The following CWC22 variants were observed in gnomAD, a reference collection of about 807,000 sequenced individuals.
The protein encoded by CWC22 is pre-mRNA-splicing factor CWC22 homolog.
CWC22 carries 53 observed loss-of-function variants against 117.2 expected under a neutral mutation model. The ratio of observed to expected loss-of-function variants is 0.45; its 90% CI spans 0.36 to 0.57. CWC22 has a LOEUF of 0.57. Among genes scored for constraint, CWC22 ranks in the 20% least tolerant of loss-of-function variants. The pLI is 0.00. For synonymous variants in CWC22, 360 were observed against 355.6 expected, an observed-to-expected ratio of 1.01 and a Z score of -0.14; for missense variants, 980 against 1,068.8, an observed-to-expected ratio of 0.92 and a Z score of 1.16.
At chr2:179,979,211 T>A (rs1467029886) in intron 5 of CWC22, among the ~76,000 whole-genome samples, 1 of 152,198 alleles carries the variant, frequency 6.6e-6, no homozygotes, top group African/African-American at 2.4e-5. Flanking sequence ...CTAATCATAC[T>A]AAAATTCAGT....
At position 179,950,915 on chromosome 2, in the gene CWC22, G is replaced by C. The variant is rs935165399; in HGVS notation, c.1829C>G (p.Pro610Arg). 7 of 1,565,674 alleles carry C rather than the reference G, an allele frequency of 4.5e-6. No individual in the cohort carries two copies. Among genetic ancestry groups the C allele is most frequent in the Non-Finnish European group, 6.1e-6 (7 of 1,153,262 alleles). Residue 610 changes from proline (P) to arginine (R), a missense_variant, in exon 18 of 20, where the codon CCA becomes CGA. This residue lies in a region of CWC22 where 115 missense variants were observed against 169.8 expected (regional missense o/e 0.68). Coordinates refer to ENST00000410053, the MANE Select transcript of CWC22 (RefSeq NM_020943.3). ...NARLKDETLQ[P>R]FFEGLLPRDN... Reference sequence around the variant, plus strand: ...TCGGGGTAATAATCCTTCAAAGAATGGCTGCAGAGTTCTAAAAAGGAAAAA... The same window carrying C: ...TCGGGGTAATAATCCTTCAAAGAATCGCTGCAGAGTTCTAAAAAGGAAAAA...
Position 179,988,648 on chromosome 2 carries a change from T to A in CWC22, c.28-4A>T. The A allele has an allele frequency of 6.8e-7, 1 of 1,476,674 alleles. No individual in the cohort carries two copies. Among genetic ancestry groups the A allele is most frequent in the Non-Finnish European group, 9.1e-7 (1 of 1,094,982 alleles). 91.5% of individuals were successfully genotyped at this position (1,476,674 alleles called of 1,614,324 possible). ...TTCTGTCATGACCAGAAGAAGGCTT[T>A]AAAAGAGGAAAAGGGGAAAACATTT... On this transcript the variant is annotated splice_region_variant and splice_polypyrimidine_tract_variant and intron_variant, in intron 2 of 19. Coordinates refer to ENST00000410053, the MANE Select transcript of CWC22 (RefSeq NM_020943.3).
chr2:179,998,547 A>G (rs1459625649), intron 1 of CWC22, among the ~76,000 whole-genome samples: 3 of 152,152 alleles, frequency 2.0e-5, no homozygotes, highest in East Asian at 1.9e-4. Context: ...TTTTGTCCCA[A>G]TGAAAATGCC....
rs533031964 is a variant in CWC22, at chr2:179,993,162, T to TA, written c.27+152dup. ...TGGTGCAAACAGTAATTGTGGTTTT[T>TA]AAAATTGCAAAAACTGCAATTACTT... On this transcript the variant is annotated intron_variant, in intron 2 of 19. Transcript: ENST00000410053. 5.1e-4 allele frequency among the ~76,000 whole-genome samples: 78 copies of TA among 152,384 alleles called. 1 individual carries two copies. The South Asian group carries it at 6.4e-3, about 13-fold the overall frequency.
intron 4 of CWC22, among the ~76,000 whole-genome samples, chr2:179,983,229 G>A (rs1293058989): frequency 2.0e-5 from 3 of 151,980 alleles, no homozygotes; most frequent in Non-Finnish European, 1.5e-5. Context: ...TTCATTAGCT[G>A]TTTTTCGTGA....
At chr2:179,954,161 C>T (rs1424216765) in intron 16 of CWC22, 44 bp downstream of exon 16, 29 of 1,465,276 alleles carry the variant, frequency 2.0e-5, no homozygotes, top group Non-Finnish European at 2.7e-5. Context: ...TATTTGAGAA[C>T]AGGGAATTAG....
intron 2 of CWC22, among the ~76,000 whole-genome samples, chr2:179,989,638 T>C (rs1687509506): frequency 6.6e-6 from 1 of 152,144 alleles, no homozygotes. Context: ...TCATGTAACA[T>C]GAGACTGACA....
chr2:179,977,400 A>T (rs1687178227), intron 6 of CWC22, among the ~76,000 whole-genome samples: 1 of 152,222 alleles, frequency 6.6e-6, no homozygotes, highest in African/African-American at 2.4e-5. Context: ...CCATAAAGGA[A>T]ATCCTGTCAT....
chr2:179,955,881 A>G (rs998755153), intron 14 of CWC22, among the ~76,000 whole-genome samples: 3 of 152,010 alleles, frequency 2.0e-5, no homozygotes, highest in Admixed American at 1.3e-4. Flanking sequence ...CTCAAGCAAC[A>G]TAAGGTGAAT....
At chr2:179,995,221 G>C (rs1687670715) in intron 1 of CWC22, among the ~76,000 whole-genome samples, 1 of 152,194 alleles carries the variant, frequency 6.6e-6, no homozygotes, top group African/African-American at 2.4e-5. Flanking sequence ...TGACATCATT[G>C]TTTGAACTTA....
chr2:179,982,919 T>C (rs1687322085), intron 4 of CWC22, among the ~76,000 whole-genome samples: 1 of 152,154 alleles, frequency 6.6e-6, no homozygotes, highest in African/African-American at 2.4e-5. Context: ...ATATATAATA[T>C]AGTAAATAAA....
chr2:179,970,902 T>C (rs779311203), intron 9 of CWC22, 39 bp downstream of exon 9: 7 of 1,607,978 alleles, frequency 4.4e-6, no homozygotes, highest in African/African-American at 1.3e-5. Context: ...GCAATAAATA[T>C]AATAAAAACT....
At chr2:179,951,142 C>T (rs953375032) in intron 17 of CWC22, among the ~76,000 whole-genome samples, 27 of 151,584 alleles carry the variant, frequency 1.8e-4, no homozygotes, top group African/African-American at 6.5e-4. Context: ...TATCATTATA[C>T]AATGTAGGAG....
At chr2:179,968,900 T>C (rs1245038986) in intron 11 of CWC22, among the ~76,000 whole-genome samples, 1 of 152,214 alleles carries the variant, frequency 6.6e-6, no homozygotes, top group African/African-American at 2.4e-5. Context: ...ATATGTAATT[T>C]ATGTTAACAT....
At chr2:179,977,272 C>G (rs991132721) in intron 6 of CWC22, among the ~76,000 whole-genome samples, 6 of 152,118 alleles carry the variant, frequency 3.9e-5, no homozygotes, top group African/African-American at 1.4e-4. Context: ...GAGGTATCTG[C>G]ACTCCCACAT....
At chr2:179,990,709 T>C (rs576192243) in intron 2 of CWC22, among the ~76,000 whole-genome samples, 24 of 152,210 alleles carry the variant, frequency 1.6e-4, no homozygotes, top group Non-Finnish European at 2.1e-4. Context: ...CCCAATTCTG[T>C]ACTAATGATT....
chr2:179,959,625 G>A (rs1686694861), intron 13 of CWC22, among the ~76,000 whole-genome samples: 1 of 152,048 alleles, frequency 6.6e-6, no homozygotes, highest in African/African-American at 2.4e-5. Context: ...AATATACCTA[G>A]GCTACATGCT....
At position 179,981,610 on chromosome 2, in the gene CWC22, T is replaced by C. The variant is rs566774747; in HGVS notation, c.452+142A>G. 804 of 638,960 alleles carry C rather than the reference T, an allele frequency of 1.3e-3. 4 individuals are homozygous for C. The African/African-American group carries it at 0.014, about 11-fold the overall frequency. The allele number at this position is 638,960 out of a possible 1,614,324, so 39.6% of individuals were successfully genotyped here. ...AGTGTGTGGCTCTCCAATGGAGCTA[T>C]AAAGTAAAGAGGTCTCTAATTTGAG... On this transcript the variant is annotated intron_variant, in intron 5 of 19. Coordinates refer to ENST00000410053, the MANE Select transcript of CWC22 (RefSeq NM_020943.3).
chr2:179,972,296 T>C (rs1687052608), intron 8 of CWC22, among the ~76,000 whole-genome samples: 1 of 152,176 alleles, frequency 6.6e-6, no homozygotes, highest in Non-Finnish European at 1.5e-5. Context: ...AAGGAAACTT[T>C]TGAGTATGAG....
Sources: gnomAD v4.1 joint callset for allele counts (sites outside exome capture counted in the v4.1 genomes callset) on GRCh38, gnomAD v4.1.1 for gene constraint, gnomAD v4.1.1 regional missense constraint, MANE v1.5 for transcripts, NCBI Gene and HGNC (gene_info 2026-07-23, HGNC 2026-07-21) for gene names.